DLC1: variants seen among roughly 807,000 people sequenced by gnomAD.
The protein encoded by DLC1 is rho GTPase-activating protein 7.
Under a neutral mutation model 140.3 loss-of-function variants are expected in DLC1, and 54 were observed. The observed-to-expected ratio is 0.38, with a 90% CI of 0.31 to 0.48. The LOEUF is 0.48. DLC1 is among the 20% of genes least tolerant of loss of function. The pLI is 0.96. For missense variants in DLC1, 2,536 were observed against 1,907.0 expected (o/e 1.33, Z -6.14); for synonymous variants, 986 against 728.1 (o/e 1.35, Z -5.70).
At chr8:13,567,384 T>C in intron 1 of DLC1, 1 of 1,551,584 alleles carries the variant, frequency 6.4e-7, no homozygotes. Context: ...TGAAGATAAA[T>C]TTGATTCATC....
At position 13,592,629 on chromosome 8, in the gene DLC1, G is replaced by A. The variant is rs570712640; in HGVS notation, c.-126+11908C>T. On this transcript the variant is annotated intron_variant, in intron 1 of 1. Coordinates refer to the DLC1 transcript ENST00000631382. Reference sequence around the variant, plus strand: ...TGTTGAAACTATAGAGTAAGTCTTGGATAGCTAATCTGGGGCCTGCCAAGG... The same window carrying A: ...TGTTGAAACTATAGAGTAAGTCTTGAATAGCTAATCTGGGGCCTGCCAAGG... Among the ~76,000 whole-genome samples, 3 of 152,096 alleles carry A rather than the reference G, an allele frequency of 2.0e-5. No homozygotes were observed. The South Asian group carries it at 6.2e-4, about 32-fold the overall frequency.
intron 1 of DLC1, among the ~76,000 whole-genome samples, chr8:13,582,299 G>A (rs1173465698): frequency 1.3e-5 from 2 of 152,148 alleles, no homozygotes; most frequent in Non-Finnish European, 2.9e-5. Flanking sequence ...ATATGGTATA[G>A]GTACATGTGA....
intron 5 of DLC1, among the ~76,000 whole-genome samples, chr8:13,221,437 C>G (rs1828544251): frequency 6.6e-6 from 1 of 150,796 alleles, no homozygotes; most frequent in Non-Finnish European, 1.5e-5. Flanking sequence ...GTGGTGCAAT[C>G]TCAGCTCACT....
chr8:13,551,474 C>T (rs1051501950), intron 1 of DLC1, among the ~76,000 whole-genome samples: 1 of 152,032 alleles, frequency 6.6e-6, no homozygotes, highest in African/African-American at 2.4e-5. Flanking sequence ...AAGGATTACT[C>T]TCTCTTTCCC....
chr8:13,416,148 T>C (rs907343682), intron 2 of DLC1, among the ~76,000 whole-genome samples: 1 of 152,222 alleles, frequency 6.6e-6, no homozygotes, highest in African/African-American at 2.4e-5. Flanking sequence ...GGGTCCCATG[T>C]TATTCTTCTC....
chr8:13,454,246 A>T (rs1799288414), intron 2 of DLC1, among the ~76,000 whole-genome samples: 1 of 152,152 alleles, frequency 6.6e-6, no homozygotes, highest in Non-Finnish European at 1.5e-5. Context: ...ATTAAAAAAA[A>T]ATCTTGTAAA....
chr8:13,405,879 C>A (rs553387257), intron 2 of DLC1, among the ~76,000 whole-genome samples: 1 of 113,874 alleles, frequency 8.8e-6, no homozygotes, highest in Non-Finnish European at 1.8e-5. Flanking sequence ...TTTCTTTTTT[C>A]TTTTCTTTTC....
rs556640543 is a variant in DLC1, at chr8:13,100,764, C to A, written c.1573G>T (p.Asp525Tyr). 3 of 1,560,102 alleles carry A rather than the reference C, an allele frequency of 1.9e-6. No homozygotes were observed. In the Admixed American group the frequency reaches 5.7e-5, roughly 30 times the overall value. ...EISPHRKRSD[D>Y]SDEDEPCAIS... ...GCACAAGGCTCATCCTCGTCTGAAT[C>A]GTCACTCTGCAAAGACAGAAAGGAG... The change falls in exon 9 of 18, where the codon GAT becomes TAT. Residue 525 changes from aspartate to tyrosine, a missense_variant. Coordinates refer to ENST00000276297, the MANE Select transcript of DLC1 (RefSeq NM_182643.3).
chr8:13,407,419 A>G (rs1837617069), intron 2 of DLC1, among the ~76,000 whole-genome samples: 1 of 152,202 alleles, frequency 6.6e-6, no homozygotes, highest in Admixed American at 6.5e-5. Flanking sequence ...CAAACACAGC[A>G]CACACACAAG....
intron 5 of DLC1, among the ~76,000 whole-genome samples, chr8:13,236,841 A>G (rs976115048): frequency 5.3e-5 from 8 of 151,802 alleles, no homozygotes; most frequent in African/African-American, 1.9e-4. Flanking sequence ...AGAAGTGTTC[A>G]GTGCTAGAAA....
intron 3 of DLC1, among the ~76,000 whole-genome samples, chr8:13,395,108 C>T (rs1836973419): frequency 8.1e-6 from 1 of 123,316 alleles, no homozygotes; most frequent in African/African-American, 3.1e-5. Context: ...TCTATGCATC[C>T]ATCTCTCTTT....
At chr8:13,359,485 G>A (rs1325738115) in intron 4 of DLC1, among the ~76,000 whole-genome samples, 1 of 152,148 alleles carries the variant, frequency 6.6e-6, no homozygotes, top group Admixed American at 6.5e-5. Flanking sequence ...CTTGAGGTTA[G>A]TGGGAATCTT....
At chr8:13,388,951 T>C (rs1249608036) in intron 4 of DLC1, among the ~76,000 whole-genome samples, 1 of 151,996 alleles carries the variant, frequency 6.6e-6, no homozygotes, top group African/African-American at 2.4e-5. Flanking sequence ...TAATAACAGC[T>C]CAAGCCAATT....
chr8:13,540,066 C>T (rs950417122), intron 1 of DLC1, among the ~76,000 whole-genome samples: 7 of 152,084 alleles, frequency 4.6e-5, no homozygotes, highest in African/African-American at 1.7e-4. Flanking sequence ...CAAACCTAGT[C>T]GCAAAAGACT....
At chr8:13,171,796 T>C (rs1034509132) in intron 5 of DLC1, among the ~76,000 whole-genome samples, 1 of 152,180 alleles carries the variant, frequency 6.6e-6, no homozygotes, top group African/African-American at 2.4e-5. Flanking sequence ...GCTAGAGTAC[T>C]TGGAGGCTCA....
At chr8:13,396,111 G>A (rs1159910644) in intron 3 of DLC1, among the ~76,000 whole-genome samples, 1 of 143,914 alleles carries the variant, frequency 6.9e-6, no homozygotes, top group Non-Finnish European at 1.5e-5. Flanking sequence ...CCAGGCTGGA[G>A]TGCAGTGGTG....
At chr8:13,537,649 T>C (rs1317292744) in intron 1 of DLC1, among the ~76,000 whole-genome samples, 1 of 37,124 alleles carries the variant, frequency 2.7e-5, no homozygotes, top group Non-Finnish European at 4.6e-5. Context: ...CAGCTAACTC[T>C]TTTTTTTTTT....
At chr8:13,413,813 C>T (rs566628199) in intron 2 of DLC1, among the ~76,000 whole-genome samples, 7 of 152,038 alleles carry the variant, frequency 4.6e-5, no homozygotes, top group East Asian at 3.9e-4. Context: ...CCCAGCCATG[C>T]GGAACTCTGA....
chr8:13,519,837 G>A (rs966192706), upstream of DLC1, among the ~76,000 whole-genome samples: 7 of 152,158 alleles, frequency 4.6e-5, no homozygotes, highest in African/African-American at 1.4e-4. Flanking sequence ...CTTCTCAAAA[G>A]AAGACGTTTA....
Sources: allele counts gnomAD v4.1 joint callset (sites outside exome capture counted in the v4.1 genomes callset), GRCh38; gene constraint gnomAD v4.1.1; transcripts MANE v1.5; gene names NCBI Gene and HGNC (gene_info 2026-07-23, HGNC 2026-07-21).